DCLK1: variants seen among roughly 807,000 people sequenced by gnomAD.
The protein encoded by DCLK1 is serine/threonine-protein kinase DCLK1.
A neutral mutation model predicts 86.2 loss-of-function variants in DCLK1; 16 were observed. The observed-to-expected ratio is 0.19, with a 90% CI of 0.13 to 0.28. The LOEUF is 0.28. Ranked by LOEUF, DCLK1 falls within the 10% of genes least tolerant of loss-of-function variation. The probability of loss-of-function intolerance (pLI) is 1.00; values close to 1 mark genes in which losing one functional copy is unlikely to be tolerated. For missense variants in DCLK1, 590 were observed against 940.2 expected (o/e 0.63, Z 4.87); for synonymous variants, 369 against 370.5 (o/e 1.00, Z 0.05).
intron 3 of DCLK1, among the ~76,000 whole-genome samples, chr13:36,045,038 G>A (rs1882827268): frequency 6.6e-6 from 1 of 151,366 alleles, no homozygotes; most frequent in Non-Finnish European, 1.5e-5. Context: ...GACCTCAGAA[G>A]CAGTAATAAT....
chr13:36,126,122 C>G lies in DCLK1; in HGVS notation c.16G>C (p.Asp6His). Residue 6 changes from aspartate to histidine, a missense_variant, in exon 2 of 17, where the codon GAC becomes CAC. Coordinates refer to ENST00000360631, the MANE Select transcript of DCLK1 (RefSeq NM_001330071.2). ...TCGTCGAAGTGCTCCAGCTCCATGT[C>G]TCTGCCGAAGGACATGATGGACTTC... MSFGR[D>H]MELEHFDERD... The G allele has an allele frequency of 6.3e-7, 1 of 1,596,004 alleles. No homozygotes were observed. The highest frequency in any genetic ancestry group is 1.1e-5 in the South Asian group (1 of 89,304).
intron 4 of DCLK1, among the ~76,000 whole-genome samples, chr13:35,905,850 G>T (rs1204710569): frequency 6.6e-6 from 1 of 151,280 alleles, no homozygotes; most frequent in Non-Finnish European, 1.5e-5. Flanking sequence ...AAAAAAAAAA[G>T]ACTGCCAGGG....
chr13:35,858,966 T>C (rs1052732964), intron 5 of DCLK1, among the ~76,000 whole-genome samples: 1 of 152,224 alleles, frequency 6.6e-6, no homozygotes, highest in East Asian at 1.9e-4. Flanking sequence ...CACCTTCTTG[T>C]TGAATCACTG....
intron 4 of DCLK1, among the ~76,000 whole-genome samples, chr13:35,891,570 G>A (rs982502850): frequency 6.6e-6 from 1 of 152,192 alleles, no homozygotes; most frequent in Non-Finnish European, 1.5e-5. Context: ...TTCTGCGAAT[G>A]TACTAAAAAC....
At chr13:35,983,162 T>G (rs1025968892) in intron 3 of DCLK1, among the ~76,000 whole-genome samples, 2 of 150,890 alleles carry the variant, frequency 1.3e-5, no homozygotes, top group African/African-American at 4.9e-5. Flanking sequence ...GTCTCACTGT[T>G]TTGCCCATGC....
chr13:35,972,067 C>T (rs1879091234), intron 3 of DCLK1, among the ~76,000 whole-genome samples: 1 of 152,156 alleles, frequency 6.6e-6, no homozygotes, highest in South Asian at 2.1e-4. Context: ...TGATTGGTGA[C>T]CACAGACTTG....
intron 4 of DCLK1, among the ~76,000 whole-genome samples, chr13:35,881,187 G>A (rs1307427267): frequency 6.6e-6 from 1 of 152,146 alleles, no homozygotes; most frequent in Admixed American, 6.6e-5. Context: ...AATTACAATG[G>A]TCTAGCTCTA....
chr13:35,956,094 C>T (rs892461356), intron 3 of DCLK1, among the ~76,000 whole-genome samples: 4 of 152,080 alleles, frequency 2.6e-5, no homozygotes, highest in Admixed American at 6.6e-5. Flanking sequence ...CCTACTTGCC[C>T]CTCTTTCACT....
chr13:35,789,871 TC>T (rs1429442960), intron 16 of DCLK1, among the ~76,000 whole-genome samples: 2 of 152,030 alleles, frequency 1.3e-5, no homozygotes, highest in African/African-American at 4.8e-5. Context: ...ACCTTTTGTT[TC>T]CCTTTCTCTC....
intron 3 of DCLK1, among the ~76,000 whole-genome samples, chr13:35,955,514 C>T (rs921841855): frequency 1.3e-5 from 2 of 152,114 alleles, no homozygotes; most frequent in African/African-American, 2.4e-5. Flanking sequence ...CAAAGGCCCG[C>T]CTCCTAATAC....
At chr13:35,868,183 C>A (rs907254494) in intron 5 of DCLK1, among the ~76,000 whole-genome samples, 1 of 151,804 alleles carries the variant, frequency 6.6e-6, no homozygotes, top group African/African-American at 2.4e-5. Flanking sequence ...CCACCACGCC[C>A]GGCTAATTTT....
In DCLK1 at chr13:35,770,773, C is replaced by A. The variant is rs2086317377; in HGVS notation, c.*3762G>T. On this transcript the variant is annotated 3_prime_UTR_variant, in exon 17 of 17. Transcript: ENST00000360631. Reference sequence around the variant, plus strand: ...AAAACTACCATCTTGGATCTTGGTGCTTTCCAAAATTCTGAAATCACTATT... The same window carrying A: ...AAAACTACCATCTTGGATCTTGGTGATTTCCAAAATTCTGAAATCACTATT... 1 of 152,172 alleles carries A rather than the reference C, an allele frequency of 6.6e-6. No individual in the cohort carries two copies. The highest frequency in any genetic ancestry group is 1.5e-5 in the Non-Finnish European group (1 of 68,030). 9.4% of individuals were successfully genotyped at this position (152,172 alleles called of 1,614,324 possible).
chr13:35,986,029 C>A (rs760293659), intron 3 of DCLK1, among the ~76,000 whole-genome samples: 8 of 151,996 alleles, frequency 5.3e-5, no homozygotes, highest in Non-Finnish European at 1.2e-4. Context: ...GAAGGTCGGG[C>A]ACGGTGGGTC....
intron 12 of DCLK1, 150 bp from the exon 13 acceptor site, chr13:35,809,245 C>A: frequency 2.1e-6 from 1 of 484,148 alleles, no homozygotes; most frequent in Non-Finnish European, 3.6e-6. Flanking sequence ...AAACCCACCA[C>A]CTAAACAGAG....
At chr13:35,842,978 A>G (rs1869911679) in intron 6 of DCLK1, among the ~76,000 whole-genome samples, 1 of 152,208 alleles carries the variant, frequency 6.6e-6, no homozygotes, top group Admixed American at 6.5e-5. Flanking sequence ...GTCCAACGAA[A>G]GGATTTCGAA....
intron 4 of DCLK1, among the ~76,000 whole-genome samples, chr13:35,901,475 GT>G (rs1874354022): frequency 9.1e-6 from 1 of 110,132 alleles, no homozygotes; most frequent in Non-Finnish European, 1.7e-5. Flanking sequence ...AGGTGACAGA[GT>G]GAGAGACTCT....
intron 4 of DCLK1, among the ~76,000 whole-genome samples, chr13:35,896,538 C>CAAAAA (rs10675684): frequency 3.5e-4 from 15 of 42,546 alleles, no homozygotes; most frequent in African/African-American, 1.2e-3. Flanking sequence ...AATTCCACCT[C>CAAAAA]AAAAAAAAAA....
intron 7 of DCLK1, among the ~76,000 whole-genome samples, chr13:35,836,667 T>C (rs1477992987): frequency 6.6e-6 from 1 of 152,172 alleles, no homozygotes; most frequent in Admixed American, 6.5e-5. Flanking sequence ...CCACCCGTCC[T>C]CGGTATCAAC....
chr13:36,045,591 C>G (rs922898250), intron 3 of DCLK1, among the ~76,000 whole-genome samples: 2 of 151,808 alleles, frequency 1.3e-5, no homozygotes, highest in Admixed American at 1.3e-4. Context: ...GTGGCTCACG[C>G]CTATAATCCC....
Sources: gnomAD v4.1 joint callset for allele counts (sites outside exome capture counted in the v4.1 genomes callset) on GRCh38, gnomAD v4.1.1 for gene constraint, MANE v1.5 for transcripts, NCBI Gene and HGNC (gene_info 2026-07-23, HGNC 2026-07-21) for gene names.